Variants in EMG1 observed in about 807,000 individuals in gnomAD.
EMG1 encodes the protein ribosomal RNA small subunit methyltransferase NEP1.
In EMG1, 24 loss-of-function variants were observed where a neutral mutation model predicts 26.9. The observed-to-expected ratio is 0.89, with a 90% CI of 0.65 to 1.26. The LOEUF is 1.26. Among genes scored for constraint, EMG1 ranks in the 50% most tolerant of loss-of-function variants. The probability of loss-of-function intolerance (pLI) is 0.00; values close to 1 mark genes in which losing one functional copy is unlikely to be tolerated. For missense variants in EMG1, 299 were observed against 307.6 expected (o/e 0.97, Z 0.21); for synonymous variants, 140 against 112.6 (o/e 1.24, Z -1.54).
downstream of EMG1, chr12:6,982,642 C>T (rs782112976): frequency 6.6e-6 from 10 of 1,517,534 alleles, no homozygotes; most frequent in South Asian, 9.0e-5. Flanking sequence ...CCGCTGTCAG[C>T]TGTAGCCTGA....
downstream of EMG1, chr12:6,982,770 T>C (rs1555154305): frequency 1.2e-6 from 2 of 1,612,754 alleles, no homozygotes; most frequent in Non-Finnish European, 8.5e-7. Flanking sequence ...CAGGGAGTGG[T>C]AGAGCTGGTT....
downstream of EMG1, chr12:6,981,610 G>A (rs200537873): frequency 4.7e-4 from 761 of 1,612,662 alleles, no homozygotes; most frequent in South Asian, 6.2e-4. Flanking sequence ...CTTTCCCTCC[G>A]TCAAAGTAGT....
chr12:6,972,660 T>C (rs1388401543), intron 1 of EMG1, among the ~76,000 whole-genome samples: 3 of 152,208 alleles, frequency 2.0e-5, no homozygotes, highest in Non-Finnish European at 4.4e-5. Context: ...AGAGAGTTGT[T>C]AGGATAGTGT....
At chr12:6,973,042 G>A (rs1946351952) in intron 1 of EMG1, among the ~76,000 whole-genome samples, 2 of 148,204 alleles carry the variant, frequency 1.3e-5, no homozygotes, top group Admixed American at 6.8e-5. Flanking sequence ...GTCCCACCGT[G>A]TTGCCCAGGC....
downstream of EMG1, chr12:6,980,009 C>T (rs7968106): frequency 0.022 from 3,296 of 151,194 alleles, 113 homozygotes; most frequent in African/African-American, 0.075. Context: ...AGGAATTCTT[C>T]TGGCAATTAA....
intron 7 of EMG1, among the ~76,000 whole-genome samples, chr12:6,995,824 C>T (rs1193903262): frequency 6.6e-6 from 1 of 152,112 alleles, no homozygotes; most frequent in Non-Finnish European, 1.5e-5. Context: ...AAAATCTGAC[C>T]ACTTCTCTCC....
downstream of EMG1, chr12:6,981,276 G>A: frequency 4.8e-6 from 5 of 1,046,608 alleles, no homozygotes; most frequent in East Asian, 2.4e-5. Flanking sequence ...CCCACTGACT[G>A]GGGTTCTTCA....
rs781904623 is a variant in EMG1 at position 6,976,340 on chromosome 12, C to G, written c.*531C>G. 1.9e-4 allele frequency: 29 copies of G among 154,166 alleles called. No individual in the cohort carries two copies. Among genetic ancestry groups the G allele is most frequent in the African/African-American group, 6.7e-4 (28 of 41,552 alleles). The allele number at this position is 154,166 out of a possible 1,614,324, so 9.5% of individuals were successfully genotyped here. The stretch of plus-strand genomic sequence containing the variant: ...ATAGTAAATTGGCAGAAGAAAAACA[C>G]AATAGATTCCTGGCTAGATGGGGAG... On this transcript the variant is annotated 3_prime_UTR_variant, in exon 6 of 6. Transcript: ENST00000599672.
downstream of EMG1, among the ~76,000 whole-genome samples, chr12:6,990,348 A>T (rs1555155332): frequency 6.6e-6 from 1 of 150,496 alleles, no homozygotes; most frequent in East Asian, 2.0e-4. Flanking sequence ...TCTCTACTAA[A>T]AATACAAAAA....
exon 8 of EMG1, chr12:6,997,377 TTATGTGTGTGTGTGTGTGTG>T (rs1946645891): frequency 1.1e-5 from 1 of 91,716 alleles, no homozygotes; most frequent in South Asian, 3.8e-4. Context: ...CAACAGCAAA[TTATGTGTGTGTGTGTGTGTG>T]TGTGTGTGTG....
At chr12:6,984,794 AG>A (rs1946504651), downstream of EMG1, among the ~76,000 whole-genome samples, 1 of 152,116 alleles carries the variant, frequency 6.6e-6, no homozygotes, top group Non-Finnish European at 1.5e-5. Context: ...TATGTTGCCC[AG>A]GCTGGCCTTG....
intron 3 of EMG1, 28 bp from the exon 4 acceptor site, chr12:6,975,062 G>A (rs150632222): frequency 9.2e-5 from 148 of 1,611,984 alleles, no homozygotes; most frequent in Non-Finnish European, 1.2e-4. Flanking sequence ...TCTCCATCTA[G>A]CTCTGAACTC....
intron 7 of EMG1, among the ~76,000 whole-genome samples, chr12:6,994,827 T>G (rs1051266489): frequency 6.6e-6 from 1 of 152,198 alleles, no homozygotes; most frequent in Non-Finnish European, 1.5e-5. Flanking sequence ...GACCCATCTT[T>G]CCGTTTCTTT....
chr12:6,979,831 TTACCC>T lies in EMG1; in HGVS notation c.*4023_*4027del, dbSNP rs1946451505. 2.0e-6 allele frequency: 1 copy of T among 505,574 alleles called. No homozygotes were observed. Among genetic ancestry groups the T allele is most frequent in the African/African-American group, 1.9e-5 (1 of 51,852 alleles). 31.3% of individuals were successfully genotyped at this position (505,574 alleles called of 1,614,324 possible). A position where few individuals can be genotyped will look rare whatever the true frequency, so the allele number is the denominator to read the frequency against. On this transcript the variant is annotated 3_prime_UTR_variant, in exon 6 of 6. Transcript: ENST00000599672. ...AGCAGACAGTGGACCAGTCTTGTGTTTACCCCTCAGGGATGCTACTGATCTCAAGG... is the reference window on the plus strand; with the variant it reads ...AGCAGACAGTGGACCAGTCTTGTGTTCTCAGGGATGCTACTGATCTCAAGG...
At chr12:6,988,836 G>C (rs1555155094), downstream of EMG1, among the ~76,000 whole-genome samples, 2 of 152,148 alleles carry the variant, frequency 1.3e-5, no homozygotes. Flanking sequence ...AGGTTTGTAA[G>C]AACTTGTTGG....
At chr12:6,975,662 A>T (rs1292743206) in intron 5 of EMG1, 34 bp from the exon 6 acceptor site, 1 of 1,403,614 alleles carries the variant, frequency 7.1e-7, no homozygotes, top group East Asian at 2.3e-5. Flanking sequence ...CTACTGAGTG[A>T]CAGAGTTGGC....
In EMG1 at chr12:6,977,487, C is replaced by T; in HGVS notation, c.*1678C>T. The T allele has an allele frequency of 6.2e-7, 1 of 1,614,192 alleles. No homozygotes were observed. Among genetic ancestry groups the T allele is most frequent in the African/African-American group, 1.3e-5 (1 of 75,054 alleles). On this transcript the variant is annotated 3_prime_UTR_variant, in exon 6 of 6. Transcript: ENST00000599672. The surrounding 1 kb of genome is among the most constrained non-coding windows in gnomAD (Gnocchi z 4.5). ...GCTGGAGGACAGTAATGGCGGCCAGCTTGCTCAGGGTGGGGCTCTCTTGAA... is the reference window on the plus strand; with the variant it reads ...GCTGGAGGACAGTAATGGCGGCCAGTTTGCTCAGGGTGGGGCTCTCTTGAA...
Position 6,975,726 on chromosome 12 carries a change from T to A in EMG1, c.652T>A (p.Ser218Thr), listed in dbSNP as rs1555153073. 6.2e-7 allele frequency: 1 copy of A among 1,613,068 alleles called. No individual in the cohort carries two copies. Among genetic ancestry groups the A allele is most frequent in the East Asian group, 2.2e-5 (1 of 44,886 alleles). ...VSVEYTEKMV[S>T]ISNYPLSAAL... ...TGTGGAGTATACAGAGAAGATGGTGTCCATCAGTAACTACCCCCTTTCTGC... is the reference window on the plus strand; with the variant it reads ...TGTGGAGTATACAGAGAAGATGGTGACCATCAGTAACTACCCCCTTTCTGC... Residue 218 changes from serine to threonine, a missense_variant, in exon 6 of 6, where the codon TCC (serine) becomes ACC (threonine). By Grantham distance (58) the Ser-to-Thr change is moderately conservative. Coordinates refer to ENST00000599672, the MANE Select transcript of EMG1 (RefSeq NM_006331.8).
At chr12:6,971,263 C>G (rs1248722220) in intron 1 of EMG1, among the ~76,000 whole-genome samples, 172 bp downstream of exon 1, 1 of 150,000 alleles carries the variant, frequency 6.7e-6, no homozygotes, top group African/African-American at 2.5e-5. Context: ...TGGTAGTACT[C>G]ATTTTTCTTT....
Sources: allele counts gnomAD v4.1 joint callset (sites outside exome capture counted in the v4.1 genomes callset), GRCh38; gene constraint gnomAD v4.1.1; non-coding constraint Gnocchi (gnomAD v3.1); transcripts MANE v1.5; gene names NCBI Gene and HGNC (gene_info 2026-07-23, HGNC 2026-07-21).